The following CLPB variants were observed in gnomAD, a reference collection of about 807,000 sequenced individuals.
CLPB encodes the protein ClpB family mitochondrial disaggregase.
A neutral mutation model predicts 78.4 loss-of-function variants in CLPB; 40 were observed. The observed-to-expected ratio is 0.51, with a 90% CI of 0.40 to 0.66. CLPB has a LOEUF of 0.66. Among genes scored for constraint, CLPB ranks in the 30% least tolerant of loss-of-function variants. The pLI, the probability that CLPB is intolerant of heterozygous loss-of-function variation, is 0.00. For synonymous variants in CLPB, 333 were observed against 348.0 expected (o/e 0.96, Z 0.48); for missense variants, 780 against 886.9 (o/e 0.88, Z 1.53).
intron 2 of CLPB, among the ~76,000 whole-genome samples, chr11:72,412,657 C>T (rs1379069201): frequency 6.6e-6 from 1 of 152,132 alleles, no homozygotes; most frequent in Non-Finnish European, 1.5e-5. Flanking sequence ...GTCATCTTAC[C>T]CTATCAGCCT....
At chr11:72,395,273 T>C (rs1463037407) in intron 3 of CLPB, among the ~76,000 whole-genome samples, 1 of 152,094 alleles carries the variant, frequency 6.6e-6, no homozygotes, top group East Asian at 1.9e-4. Context: ...ATCCATATAA[T>C]ACATCATGGG....
chr11:72,384,115 T>G (rs550839889), intron 3 of CLPB, among the ~76,000 whole-genome samples: 1 of 152,230 alleles, frequency 6.6e-6, no homozygotes, highest in East Asian at 1.9e-4. Context: ...GATCAACCAT[T>G]GCACTACAGC....
chr11:72,394,548 G>A (rs17162141), intron 3 of CLPB, among the ~76,000 whole-genome samples: 1,620 of 152,318 alleles, frequency 0.011, 31 homozygotes, highest in East Asian at 0.063. Context: ...AGACTGTCAC[G>A]TTAGGCAAAT....
intron 9 of CLPB, chr11:72,303,075 A>G (rs1485241948): frequency 6.6e-6 from 1 of 152,270 alleles, no homozygotes; most frequent in Non-Finnish European, 1.5e-5. Flanking sequence ...AGCTTGCATT[A>G]TGTGATCTGA....
In CLPB at chr11:72,292,605, A is replaced by C. The variant is rs1467043157; in HGVS notation, c.*762T>G. The C allele has an allele frequency of 6.6e-6, 1 of 152,212 alleles. No homozygotes were observed. Among genetic ancestry groups the C allele is most frequent in the Non-Finnish European group, 1.5e-5 (1 of 68,128 alleles). The allele number at this position is 152,212 out of a possible 1,614,324, so 9.4% of individuals were successfully genotyped here. A position where few individuals can be genotyped will look rare whatever the true frequency, so the allele number is the denominator to read the frequency against. Reference sequence around the variant, plus strand: ...TGTTGGTCTTTTGAAGGAGGCCCCCACAGAGCTGAGCTTGCTTGGTTATCT... The same window carrying C: ...TGTTGGTCTTTTGAAGGAGGCCCCCCCAGAGCTGAGCTTGCTTGGTTATCT... On this transcript the variant is annotated 3_prime_UTR_variant, in exon 16 of 16. Coordinates refer to ENST00000538039, the MANE Select transcript of CLPB (RefSeq NM_001258392.3).
intron 2 of CLPB, among the ~76,000 whole-genome samples, chr11:72,412,944 C>G (rs1855919117): frequency 6.6e-6 from 1 of 152,094 alleles, no homozygotes; most frequent in Non-Finnish European, 1.5e-5. Flanking sequence ...GAAATAATTT[C>G]AAACTTATAG....
At chr11:72,416,530 G>A (rs1203556547) in intron 2 of CLPB, among the ~76,000 whole-genome samples, 1 of 152,074 alleles carries the variant, frequency 6.6e-6, no homozygotes, top group Non-Finnish European at 1.5e-5. Context: ...GAGGTCAGGA[G>A]TTCGAGACAA....
intron 5 of CLPB, among the ~76,000 whole-genome samples, chr11:72,334,945 C>T (rs922826299): frequency 1.3e-5 from 2 of 152,234 alleles, no homozygotes; most frequent in Admixed American, 6.5e-5. Flanking sequence ...TGCGCCTGCC[C>T]GCTACAGCTG....
chr11:72,418,306 G>A (rs1458742486), intron 2 of CLPB, among the ~76,000 whole-genome samples: 5 of 152,174 alleles, frequency 3.3e-5, no homozygotes, highest in Admixed American at 2.0e-4. Flanking sequence ...GCTGTGACAG[G>A]GCTCACAGCC....
intron 2 of CLPB, among the ~76,000 whole-genome samples, chr11:72,417,492 G>GT (rs1482526156): frequency 2.7e-4 from 41 of 152,168 alleles, no homozygotes; most frequent in African/African-American, 9.9e-4. Context: ...CCGGGGTGGG[G>GT]TGGGAGAGTG....
intron 5 of CLPB, among the ~76,000 whole-genome samples, chr11:72,346,054 C>T (rs569399816): frequency 1.3e-5 from 2 of 152,218 alleles, no homozygotes; most frequent in African/African-American, 4.8e-5. Flanking sequence ...TGTGAAGACA[C>T]GAAAGAACCC....
At chr11:72,299,914 T>C (rs1322281062) in intron 11 of CLPB, among the ~76,000 whole-genome samples, 1 of 152,198 alleles carries the variant, frequency 6.6e-6, no homozygotes, top group Non-Finnish European at 1.5e-5. Context: ...CTTCCATGTA[T>C]GGCTGATTGT....
At chr11:72,303,622 G>A (rs949365933) in intron 9 of CLPB, among the ~76,000 whole-genome samples, 1 of 152,178 alleles carries the variant, frequency 6.6e-6, no homozygotes, top group Non-Finnish European at 1.5e-5. Flanking sequence ...GTGGGACAGG[G>A]CTTAGAGAAG....
intron 3 of CLPB, among the ~76,000 whole-genome samples, chr11:72,381,191 G>A (rs1173946076): frequency 2.6e-5 from 4 of 152,102 alleles, no homozygotes; most frequent in African/African-American, 7.2e-5. Flanking sequence ...ACCCCTCCCC[G>A]AACTCCAGGC....
intron 5 of CLPB, among the ~76,000 whole-genome samples, chr11:72,357,787 A>G (rs569749669): frequency 9.2e-5 from 14 of 151,424 alleles, no homozygotes; most frequent in African/African-American, 3.4e-4. Flanking sequence ...AATGTCAGCT[A>G]GCCAGCTGTT....
At chr11:72,331,382 C>T (rs1241896090) in intron 5 of CLPB, among the ~76,000 whole-genome samples, 4 of 148,746 alleles carry the variant, frequency 2.7e-5, no homozygotes, top group Middle Eastern at 3.5e-3. Flanking sequence ...CTAGCCTGGG[C>T]GACAGAGCGA....
chr11:72,390,704 C>T (rs559653651), intron 3 of CLPB, among the ~76,000 whole-genome samples: 1 of 152,336 alleles, frequency 6.6e-6, no homozygotes, highest in South Asian at 2.1e-4. Flanking sequence ...ATCTGGGACA[C>T]TTCATGCACT....
chr11:72,341,131 G>A (rs1352860410), intron 5 of CLPB, among the ~76,000 whole-genome samples: 1 of 152,182 alleles, frequency 6.6e-6, no homozygotes, highest in Non-Finnish European at 1.5e-5. Context: ...GTTATTTTAA[G>A]TATTAAAAGA....
chr11:72,293,393 G>T lies in CLPB; in HGVS notation c.2008C>A (p.Pro670Thr). Residue 670 changes from proline (P) to threonine (T), a missense_variant, in exon 16 of 16, where the codon CCT (proline) becomes ACT (threonine). Coordinates refer to ENST00000538039, the MANE Select transcript of CLPB (RefSeq NM_001258392.3). ...RRLDIRAPLH[P>T]EKVCNTI is the part of the protein sequence containing the mutation. ...TAGATGGTGTTGCACACCTTCTCAG[G>T]GTGCAGTGGTGCCCGGATGTCCAGT... 1 of 1,614,092 alleles carries T rather than the reference G, an allele frequency of 6.2e-7. No individual in the cohort carries two copies. The highest frequency in any genetic ancestry group is 8.5e-7 in the Non-Finnish European group (1 of 1,179,986).
Sources: gnomAD v4.1 joint callset for allele counts (sites outside exome capture counted in the v4.1 genomes callset) on GRCh38, gnomAD v4.1.1 for gene constraint, MANE v1.5 for transcripts, NCBI Gene and HGNC (gene_info 2026-07-23, HGNC 2026-07-21) for gene names.